Variants in XRCC4 observed in about 807,000 individuals in gnomAD.
The protein encoded by XRCC4 is DNA repair protein XRCC4.
XRCC4 carries 28 observed loss-of-function variants against 39.1 expected under a neutral mutation model. The observed-to-expected ratio is 0.72, with a 90% CI of 0.53 to 0.98. The LOEUF is 0.98. XRCC4 is among the 50% of genes least tolerant of loss of function. The pLI is 0.00. For synonymous variants in XRCC4, 123 were observed against 126.4 expected, an observed-to-expected ratio of 0.97 and a Z score of 0.18; for missense variants, 350 against 376.4, an observed-to-expected ratio of 0.93 and a Z score of 0.58.
chr5:83,191,173 T>G (rs1750674700), intron 3 of XRCC4, among the ~76,000 whole-genome samples: 1 of 152,118 alleles, frequency 6.6e-6, no homozygotes. Flanking sequence ...AAGAAAAATA[T>G]AAGCAGGATA....
At chr5:83,234,756 C>G (rs973019161) in intron 6 of XRCC4, among the ~76,000 whole-genome samples, 11 of 151,884 alleles carry the variant, frequency 7.2e-5, no homozygotes, top group African/African-American at 2.7e-4. Context: ...GGGGACTATA[C>G]TATATTAATC....
At position 83,120,304 on chromosome 5, in the gene XRCC4, A is replaced by G. The variant is rs182444994; in HGVS notation, c.315+9101A>G. Among the ~76,000 whole-genome samples, 688 of 152,092 alleles carry G rather than the reference A, an allele frequency of 4.5e-3. 6 individuals are homozygous for G. The highest frequency in any genetic ancestry group is 0.016 in the African/African-American group (653 of 41,440). On this transcript the variant is annotated intron_variant, in intron 3 of 7. Coordinates refer to ENST00000396027, the MANE Select transcript of XRCC4 (RefSeq NM_003401.5). ...GCCGCTGTTTTATGAATACCAAATCAGTTTTTTTTTAAATTTGTTTAGGGA... is the reference window on the plus strand; with the variant it reads ...GCCGCTGTTTTATGAATACCAAATCGGTTTTTTTTTAAATTTGTTTAGGGA...
At chr5:83,240,971 C>A (rs28360201) in intron 6 of XRCC4, among the ~76,000 whole-genome samples, 1 of 152,118 alleles carries the variant, frequency 6.6e-6, no homozygotes, top group African/African-American at 2.4e-5. Flanking sequence ...CGCGGTGGCT[C>A]ATGCCTGAAA....
chr5:83,136,745 ACTCTTCATTGATTT>A (rs1300671351), intron 3 of XRCC4, among the ~76,000 whole-genome samples: 3 of 152,158 alleles, frequency 2.0e-5, no homozygotes, highest in African/African-American at 7.2e-5. Context: ...GACCTGCAGT[ACTCTTCATTGATTT>A]AATTGAATTA....
chr5:83,105,104 A>T, intron 2 of XRCC4, 46 bp downstream of exon 2: 1 of 1,563,890 alleles, frequency 6.4e-7, no homozygotes, highest in Non-Finnish European at 8.7e-7. Context: ...TAAGTGTGCT[A>T]TTCTTCAGTC....
intron 7 of XRCC4, among the ~76,000 whole-genome samples, chr5:83,291,137 A>G (rs924578517): frequency 1.3e-5 from 2 of 151,826 alleles, no homozygotes; most frequent in Non-Finnish European, 2.9e-5. Flanking sequence ...AGCAAGACAA[A>G]AGAAACAAAC....
chr5:83,103,349 T>C (rs1746044738), intron 1 of XRCC4, among the ~76,000 whole-genome samples: 2 of 152,110 alleles, frequency 1.3e-5, no homozygotes. Context: ...ACTTTCAGTA[T>C]TACATTGTGT....
chr5:83,151,545 A>G (rs889323538), intron 3 of XRCC4, among the ~76,000 whole-genome samples: 1 of 152,342 alleles, frequency 6.6e-6, no homozygotes, highest in Non-Finnish European at 1.5e-5. Flanking sequence ...TTGAATTACT[A>G]TAAACCTGAT....
intron 7 of XRCC4, among the ~76,000 whole-genome samples, chr5:83,315,195 A>G (rs1367617819): frequency 6.6e-6 from 1 of 152,128 alleles, no homozygotes; most frequent in Non-Finnish European, 1.5e-5. Flanking sequence ...AAATTCCTAT[A>G]AACCGAAGCC....
intron 1 of XRCC4, among the ~76,000 whole-genome samples, chr5:83,083,970 C>G (rs1404985930): frequency 2.0e-5 from 3 of 152,194 alleles, no homozygotes; most frequent in Non-Finnish European, 1.5e-5. Flanking sequence ...CTTCCTACCT[C>G]TGCATTTTAC....
the XRCC4 span, among the ~76,000 whole-genome samples, chr5:83,368,818 G>A: frequency 6.6e-6 from 1 of 152,166 alleles, no homozygotes; most frequent in Non-Finnish European, 1.5e-5. Flanking sequence ...TTAATGGTGT[G>A]TTAATAGCCT....
In XRCC4 at chr5:83,195,829, A is replaced by G; in HGVS notation, c.375A>G (p.Glu125=). The stretch of plus-strand genomic sequence containing the variant: ...AAAACCCAGCTGAAGTCATTAGAGA[A>G]CTTATTTGTTATTGCTTGGACACCA... ...KVENPAEVIR[E]LICYCLDTIA... Residue 125 remains glutamate, a synonymous_variant, in exon 4 of 8, where the codon GAA becomes GAG. Coordinates refer to ENST00000396027, the MANE Select transcript of XRCC4 (RefSeq NM_003401.5). The G allele has an allele frequency of 6.2e-7, 1 of 1,611,868 alleles. No individual in the cohort carries two copies. The highest frequency in any genetic ancestry group is 8.5e-7 in the Non-Finnish European group (1 of 1,178,622).
chr5:83,094,299 T>G (rs1745566930), intron 1 of XRCC4, among the ~76,000 whole-genome samples: 2 of 117,158 alleles, frequency 1.7e-5, no homozygotes, highest in African/African-American at 3.2e-5. Context: ...TCCTTTCCCG[T>G]TCCCTCCCCT....
At chr5:83,205,637 T>C (rs1751391370) in intron 6 of XRCC4, among the ~76,000 whole-genome samples, 1 of 152,162 alleles carries the variant, frequency 6.6e-6, no homozygotes. Context: ...TTTGAGTTCC[T>C]ATTATGTACT....
At chr5:83,257,157 A>G (rs1753573249) in intron 6 of XRCC4, among the ~76,000 whole-genome samples, 1 of 152,114 alleles carries the variant, frequency 6.6e-6, no homozygotes, top group South Asian at 2.1e-4. Context: ...AATGTAATAT[A>G]TGTGTACCTG....
chr5:83,262,070 G>C (rs1281197241), intron 7 of XRCC4, among the ~76,000 whole-genome samples: 2 of 152,066 alleles, frequency 1.3e-5, no homozygotes, highest in African/African-American at 4.8e-5. Context: ...TATAGAAGGA[G>C]AGAGAGATAT....
At chr5:83,273,122 T>A (rs1242103594) in intron 7 of XRCC4, among the ~76,000 whole-genome samples, 2 of 152,232 alleles carry the variant, frequency 1.3e-5, no homozygotes, top group Non-Finnish European at 2.9e-5. Flanking sequence ...CCATTCTTAC[T>A]GGAGTGAGAT....
intron 6 of XRCC4, among the ~76,000 whole-genome samples, chr5:83,251,892 A>G (rs1408282031): frequency 6.6e-6 from 1 of 152,208 alleles, no homozygotes; most frequent in Non-Finnish European, 1.5e-5. Context: ...TACACCATTG[A>G]CCTGTCTTGT....
chr5:83,269,666 G>A (rs1754070755), intron 7 of XRCC4, among the ~76,000 whole-genome samples: 2 of 151,966 alleles, frequency 1.3e-5, no homozygotes, highest in South Asian at 4.2e-4. Context: ...CTAACACATA[G>A]TAGATATTCA....
Sources: gnomAD v4.1 joint callset for allele counts (sites outside exome capture counted in the v4.1 genomes callset) on GRCh38, gnomAD v4.1.1 for gene constraint, MANE v1.5 for transcripts, NCBI Gene and HGNC (gene_info 2026-07-23, HGNC 2026-07-21) for gene names.